The following TMEM131 variants were observed in gnomAD, a reference collection of about 807,000 sequenced individuals.
The protein encoded by TMEM131 is 2610524E03Rik.
A neutral mutation model predicts 211.6 loss-of-function variants in TMEM131; 66 were observed. That is an observed-to-expected ratio of 0.31 (90% CI 0.26 to 0.38). The LOEUF (loss-of-function observed/expected upper bound fraction) is 0.38. Among genes scored for constraint, TMEM131 ranks in the 10% least tolerant of loss-of-function variants. TMEM131 has a pLI of 1.00. For synonymous variants in TMEM131, 844 were observed against 841.3 expected (o/e 1.00, Z -0.06); for missense variants, 2,036 against 2,299.3 (o/e 0.89, Z 2.34).
intron 7 of TMEM131, 98 bp from the exon 8 acceptor site, chr2:97,837,255 T>C: frequency 1.2e-6 from 1 of 836,858 alleles, no homozygotes; most frequent in East Asian, 2.6e-5. Context: ...CCTAACTGTT[T>C]ATCACAAAAC....
chr2:97,938,214 A>G (rs528765582), intron 1 of TMEM131, among the ~76,000 whole-genome samples: 1 of 152,236 alleles, frequency 6.6e-6, no homozygotes, highest in Non-Finnish European at 1.5e-5. Context: ...AAATGCTCCA[A>G]TTAAAAGACA....
chr2:97,969,902 A>C lies in TMEM131; in HGVS notation c.187+25574T>G, dbSNP rs79758825. Among the ~76,000 whole-genome samples, 367 of 152,316 alleles carry C rather than the reference A, an allele frequency of 2.4e-3. 4 individuals are homozygous for C. The East Asian group carries it at 0.025, about 10-fold the overall frequency. On this transcript the variant is annotated intron_variant, in intron 1 of 40. Transcript: ENST00000186436. Reference sequence around the variant, plus strand: ...CTAAATGTTACTCAGTGCCTTTCACAACGATCTGTCTGATGTGGAGTTGTT... The same window carrying C: ...CTAAATGTTACTCAGTGCCTTTCACCACGATCTGTCTGATGTGGAGTTGTT...
intron 35 of TMEM131, chr2:97,763,017 A>C (rs1176435167): frequency 6.6e-6 from 1 of 152,104 alleles, no homozygotes; most frequent in Non-Finnish European, 1.5e-5. Flanking sequence ...GAGAGCTTGG[A>C]CCTGTGAATT....
intron 5 of TMEM131, among the ~76,000 whole-genome samples, chr2:97,849,717 C>CTTT (rs11320615): frequency 4.8e-4 from 50 of 103,810 alleles, no homozygotes; most frequent in African/African-American, 1.5e-3. Flanking sequence ...CTCTCTCTCT[C>CTTT]TTTTTTTTTT....
chr2:97,982,152 C>T (rs1245851241), intron 1 of TMEM131, among the ~76,000 whole-genome samples: 1 of 152,192 alleles, frequency 6.6e-6, no homozygotes, highest in Admixed American at 6.5e-5. Flanking sequence ...CATAAAGCAA[C>T]AAGACATTCC....
At chr2:97,976,130 C>G (rs1290922934) in intron 1 of TMEM131, among the ~76,000 whole-genome samples, 4 of 152,112 alleles carry the variant, frequency 2.6e-5, no homozygotes, top group Admixed American at 2.0e-4. Context: ...TGCTTCCCCC[C>G]TAAGATTATG....
intron 1 of TMEM131, among the ~76,000 whole-genome samples, chr2:97,952,739 C>T (rs1000961352): frequency 6.6e-6 from 1 of 151,962 alleles, no homozygotes; most frequent in African/African-American, 2.4e-5. Context: ...ATTAGCTGGG[C>T]ATGGTGCTGT....
intron 31 of TMEM131, among the ~76,000 whole-genome samples, chr2:97,788,763 C>T (rs1274373510): frequency 2.6e-5 from 4 of 152,168 alleles, no homozygotes; most frequent in African/African-American, 7.2e-5. Context: ...CCAGGGTGCA[C>T]GAGAAATTGT....
intron 1 of TMEM131, among the ~76,000 whole-genome samples, chr2:97,963,782 T>TTA (rs1182674543): frequency 5.9e-5 from 9 of 152,218 alleles, no homozygotes; most frequent in South Asian, 2.1e-4. Context: ...GTTGTTGTTG[T>TTA]TATATATAAG....
At chr2:97,957,096 C>CAAA (rs34518893) in intron 1 of TMEM131, among the ~76,000 whole-genome samples, 2 of 116,390 alleles carry the variant, frequency 1.7e-5, no homozygotes, top group Non-Finnish European at 1.8e-5. Context: ...GACTCCGTCT[C>CAAA]AAAAAAAAAA....
Position 97,886,527 on chromosome 2 carries a change from C to A in TMEM131, c.359+1525G>T, listed in dbSNP as rs1192695484. On this transcript the variant is annotated intron_variant, in intron 4 of 40. Coordinates refer to ENST00000186436, the MANE Select transcript of TMEM131 (RefSeq NM_015348.2). Reference sequence around the variant, plus strand: ...CTGTAGTGTAGTCTCTGGGTACTTTCCTCAGCTGTCAGTCACACTTGACGT... The same window carrying A: ...CTGTAGTGTAGTCTCTGGGTACTTTACTCAGCTGTCAGTCACACTTGACGT... Among the ~76,000 whole-genome samples the A allele has an allele frequency of 2.6e-5, 4 of 152,122 alleles. No individual in the cohort carries two copies. In the East Asian group the frequency reaches 5.8e-4, roughly 22 times the overall value.
At chr2:97,940,896 G>A (rs13394884) in intron 1 of TMEM131, among the ~76,000 whole-genome samples, 52,163 of 151,288 alleles carry the variant, frequency 0.34, 9,849 homozygotes, top group Middle Eastern at 0.48. Context: ...TGGCCATACT[G>A]CCCAAAGTAA....
intron 1 of TMEM131, among the ~76,000 whole-genome samples, chr2:97,942,041 C>T (rs1442780184): frequency 6.6e-6 from 1 of 152,054 alleles, no homozygotes; most frequent in Admixed American, 6.6e-5. Context: ...TTTATTGTGG[C>T]ACTATTCACA....
intron 3 of TMEM131, among the ~76,000 whole-genome samples, chr2:97,902,130 G>A (rs1675881615): frequency 6.6e-6 from 1 of 152,012 alleles, no homozygotes; most frequent in Non-Finnish European, 1.5e-5. Flanking sequence ...ATGGGATACA[G>A]AGAGAAACAA....
At chr2:97,935,305 C>T (rs550956558) in intron 1 of TMEM131, among the ~76,000 whole-genome samples, 29 of 152,220 alleles carry the variant, frequency 1.9e-4, no homozygotes, top group African/African-American at 7.0e-4. Context: ...CTGGTTGTGA[C>T]TTTGTAGTAT....
At chr2:97,928,957 T>C (rs1677104716) in intron 1 of TMEM131, among the ~76,000 whole-genome samples, 1 of 151,850 alleles carries the variant, frequency 6.6e-6, no homozygotes, top group Admixed American at 6.6e-5. Flanking sequence ...ATTCATAGGT[T>C]AGTATACATA....
At chr2:97,821,780 G>A (rs1316306721) in intron 11 of TMEM131, among the ~76,000 whole-genome samples, 1 of 152,136 alleles carries the variant, frequency 6.6e-6, no homozygotes, top group East Asian at 1.9e-4. Context: ...AAAAGCGACT[G>A]GCACAGCCAC....
chr2:97,950,121 A>T (rs1202093889), intron 1 of TMEM131, among the ~76,000 whole-genome samples: 6 of 152,342 alleles, frequency 3.9e-5, no homozygotes, highest in Non-Finnish European at 2.9e-5. Context: ...TTTCAGCACA[A>T]GACAAAAAAT....
At chr2:97,819,836 C>T in intron 11 of TMEM131, among the ~76,000 whole-genome samples, 1 of 152,196 alleles carries the variant, frequency 6.6e-6, no homozygotes. Context: ...CTATGTTCTT[C>T]CCCCTGGATC....
Sources: allele counts gnomAD v4.1 joint callset (sites outside exome capture counted in the v4.1 genomes callset), GRCh38; gene constraint gnomAD v4.1.1; transcripts MANE v1.5; gene names NCBI Gene and HGNC (gene_info 2026-07-23, HGNC 2026-07-21).